The following IQGAP2 variants were observed in gnomAD, a reference collection of about 807,000 sequenced individuals.
IQGAP2 encodes ras GTPase-activating-like protein IQGAP2.
A neutral mutation model predicts 201.3 loss-of-function variants in IQGAP2; 173 were observed. The ratio of observed to expected loss-of-function variants is 0.86; its 90% CI spans 0.76 to 0.98. The LOEUF (loss-of-function observed/expected upper bound fraction) is 0.98, where lower values mean the gene tolerates loss of function less well. IQGAP2 is among the 50% of genes least tolerant of loss of function. The pLI, the probability that IQGAP2 is intolerant of heterozygous loss-of-function variation, is 0.00. For synonymous variants in IQGAP2, 675 were observed against 673.9 expected (o/e 1.00, Z -0.03); for missense variants, 1,687 against 1,864.8 (o/e 0.90, Z 1.76).
chr5:76,426,160 G>T (rs990708749), intron 1 of IQGAP2, among the ~76,000 whole-genome samples: 1 of 152,190 alleles, frequency 6.6e-6, no homozygotes, highest in Non-Finnish European at 1.5e-5. Flanking sequence ...TCAGTTTCAC[G>T]TTAAGGTCTG....
rs913127091 is a variant in IQGAP2 at position 76,674,804 on chromosome 5, A to G, written c.3527+95A>G. ...CAGAGCTAGAGTGGGCATGGAGGACAGGAACCCCAGGTGGTTACAAGCATT... is the reference window on the plus strand; with the variant it reads ...CAGAGCTAGAGTGGGCATGGAGGACGGGAACCCCAGGTGGTTACAAGCATT... On this transcript the variant is annotated intron_variant, in intron 27 of 35. Coordinates refer to ENST00000274364, the MANE Select transcript of IQGAP2 (RefSeq NM_006633.5). 28 of 852,982 alleles carry G rather than the reference A, an allele frequency of 3.3e-5. No homozygotes were observed. In the African/African-American group the frequency reaches 3.7e-4, roughly 11 times the overall value. 52.8% of individuals were successfully genotyped at this position (852,982 alleles called of 1,614,324 possible). A position where few individuals can be genotyped will look rare whatever the true frequency, so the allele number is the denominator to read the frequency against.
At chr5:76,694,940 T>A (rs996179828) in intron 31 of IQGAP2, among the ~76,000 whole-genome samples, 13 of 152,232 alleles carry the variant, frequency 8.5e-5, no homozygotes, top group African/African-American at 3.1e-4. Flanking sequence ...AAAGAAACTT[T>A]GCAAGTTTTT....
intron 1 of IQGAP2, among the ~76,000 whole-genome samples, chr5:76,429,386 C>G (rs1481786767): frequency 6.6e-6 from 1 of 151,356 alleles, no homozygotes; most frequent in Non-Finnish European, 1.5e-5. Flanking sequence ...TCCTGGCTAA[C>G]ACGGTGAAAC....
chr5:76,599,946 G>C (rs1022526615), intron 10 of IQGAP2, among the ~76,000 whole-genome samples: 1 of 152,138 alleles, frequency 6.6e-6, no homozygotes, highest in African/African-American at 2.4e-5. Context: ...AATCTAAGAC[G>C]TATTTTTTTG....
At chr5:76,469,287 G>T (rs1332363632) in intron 2 of IQGAP2, among the ~76,000 whole-genome samples, 2 of 152,176 alleles carry the variant, frequency 1.3e-5, no homozygotes, top group African/African-American at 4.8e-5. Context: ...ATGAATGAAT[G>T]AAGAGAGAAA....
chr5:76,597,512 G>A lies in IQGAP2; in HGVS notation c.981G>A (p.Lys327=). 1 of 1,613,924 alleles carries A rather than the reference G, an allele frequency of 6.2e-7. No homozygotes were observed. Among genetic ancestry groups the A allele is most frequent in the Non-Finnish European group, 8.5e-7 (1 of 1,179,956 alleles). Residue 327 remains lysine (K), a synonymous_variant, in exon 10 of 36, where the codon AAG becomes AAA. Coordinates refer to ENST00000274364, the MANE Select transcript of IQGAP2 (RefSeq NM_006633.5). Reference sequence around the variant, plus strand: ...CCGAGAATACGCTGCTTGCACTGAAGAAACCAGAGGCCCAGCTGCCTGCTG... The same window carrying A: ...CCGAGAATACGCTGCTTGCACTGAAAAAACCAGAGGCCCAGCTGCCTGCTG... ...GDPENTLLAL[K]KPEAQLPAVY...
chr5:76,459,460 T>G (rs1754302487), intron 1 of IQGAP2, among the ~76,000 whole-genome samples: 1 of 152,094 alleles, frequency 6.6e-6, no homozygotes, highest in African/African-American at 2.4e-5. Flanking sequence ...GTTTCTGAAG[T>G]ACTTACTATA....
intron 2 of IQGAP2, among the ~76,000 whole-genome samples, chr5:76,514,792 TAAGACTAAGAC>T (rs1453757062): frequency 6.6e-6 from 1 of 152,216 alleles, no homozygotes; most frequent in Non-Finnish European, 1.5e-5. Context: ...ACCTGATGGT[TAAGACTAAGAC>T]TGTTTTCCCT....
intron 23 of IQGAP2, among the ~76,000 whole-genome samples, chr5:76,670,878 C>A (rs774689318): frequency 6.6e-6 from 1 of 152,214 alleles, no homozygotes; most frequent in Non-Finnish European, 1.5e-5. Flanking sequence ...TATTGCTAGT[C>A]CTGGTCCATT....
At chr5:76,590,383 TTCTC>T in intron 7 of IQGAP2, 21 bp from the exon 8 acceptor site, 1 of 1,549,536 alleles carries the variant, frequency 6.5e-7, no homozygotes, top group Non-Finnish European at 8.7e-7. Flanking sequence ...AAAAACCTTT[TTCTC>T]TCTCTCTCTT....
intron 20 of IQGAP2, among the ~76,000 whole-genome samples, chr5:76,655,906 A>G: frequency 6.6e-6 from 1 of 152,234 alleles, no homozygotes; most frequent in Non-Finnish European, 1.5e-5. Flanking sequence ...CATTCTAATT[A>G]TCACGGGAAC....
In IQGAP2 at chr5:76,570,583, T is replaced by C. The variant is rs766299341; in HGVS notation, c.307T>C (p.Ser103Pro). The change falls in exon 4 of 36, where the codon TCT becomes CCT. Residue 103 changes from serine to proline, a missense_variant. Physicochemically the swap from Ser to Pro is moderately conservative, Grantham distance 74 (BLOSUM62 -1). Transcript: ENST00000274364. ...YDVEQTRYKK[S>P]GLHFRHTDNT... ...TTCCCTCCTATCGTCACTTTAGAAG[T>C]CTGGCCTTCATTTTCGACACACAGA... 1.9e-6 allele frequency: 3 copies of C among 1,611,462 alleles called. No homozygotes were observed. Among genetic ancestry groups the C allele is most frequent in the Non-Finnish European group, 1.7e-6 (2 of 1,177,510 alleles).
At position 76,462,410 on chromosome 5, in the gene IQGAP2, T is replaced by C. The variant is rs992392486; in HGVS notation, c.146+741T>C. Among the ~76,000 whole-genome samples, 12 of 152,332 alleles carry C rather than the reference T, an allele frequency of 7.9e-5. 1 individual carries two copies. Among genetic ancestry groups the C allele is most frequent in the African/African-American group, 2.9e-4 (12 of 41,568 alleles). On this transcript the variant is annotated intron_variant, in intron 2 of 35. Transcript: ENST00000274364. ...ATCACATTGACTCTTTTAGGCTTTT[T>C]AGATTAAATAAATGTTGCGTTCTCC...
intron 33 of IQGAP2, among the ~76,000 whole-genome samples, chr5:76,698,457 A>T (rs894956531): frequency 6.6e-6 from 1 of 152,136 alleles, no homozygotes; most frequent in Non-Finnish European, 1.5e-5. Context: ...AGATTTTTTT[A>T]AATACTATTA....
chr5:76,542,407 C>T (rs572219185), intron 2 of IQGAP2, among the ~76,000 whole-genome samples: 6 of 152,360 alleles, frequency 3.9e-5, no homozygotes, highest in South Asian at 2.1e-4. Context: ...AAGTTGCTTA[C>T]AGCCCCCACC....
intron 35 of IQGAP2, among the ~76,000 whole-genome samples, chr5:76,705,333 G>A (rs62363009): frequency 0.17 from 25,619 of 152,146 alleles, 2,670 homozygotes; most frequent in South Asian, 0.37. Flanking sequence ...GAAATTGGCA[G>A]TGTTATCCCC....
Position 76,658,370 on chromosome 5 carries a change from T to C in IQGAP2, c.2321-89T>C, listed in dbSNP as rs186975154. The C allele has an allele frequency of 1.6e-5, 17 of 1,065,740 alleles. No individual in the cohort carries two copies. In the African/African-American group the frequency reaches 2.0e-4, roughly 13 times the overall value. 66.0% of individuals were successfully genotyped at this position (1,065,740 alleles called of 1,614,324 possible). ...CCAAGTACTTTCATTGGTATATTTT[T>C]CTAGTAATTATTTAAGACCTTGTTT... On this transcript the variant is annotated intron_variant, in intron 20 of 35. Coordinates refer to ENST00000274364, the MANE Select transcript of IQGAP2 (RefSeq NM_006633.5).
At chr5:76,581,923 A>T (rs1745897539) in intron 5 of IQGAP2, among the ~76,000 whole-genome samples, 1 of 152,274 alleles carries the variant, frequency 6.6e-6, no homozygotes. Flanking sequence ...ATAGGTTATC[A>T]ATAAGTGTTT....
chr5:76,651,785 A>ATTCC (rs1752536606), intron 17 of IQGAP2, among the ~76,000 whole-genome samples: 2 of 152,034 alleles, frequency 1.3e-5, no homozygotes, highest in Non-Finnish European at 2.9e-5. Context: ...ACTGAGGGGA[A>ATTCC]GTCTGGAGCA....
Sources: allele counts gnomAD v4.1 joint callset (sites outside exome capture counted in the v4.1 genomes callset), GRCh38; gene constraint gnomAD v4.1.1; transcripts MANE v1.5; gene names NCBI Gene and HGNC (gene_info 2026-07-23, HGNC 2026-07-21).